The following USP12 variants were observed in gnomAD, a reference collection of about 807,000 sequenced individuals.
USP12 encodes ubiquitin specific peptidase 12.
Under a neutral mutation model 45.5 loss-of-function variants are expected in USP12, and 19 were observed. The observed-to-expected ratio is 0.42, with a 90% CI of 0.29 to 0.61. The LOEUF is 0.61. USP12 is among the 20% of genes least tolerant of loss of function. The pLI is 0.22. For missense variants in USP12, 242 were observed against 447.7 expected (o/e 0.54, Z 4.15); for synonymous variants, 149 against 148.8 (o/e 1.00, Z -0.01).
rs184802154 is a variant in USP12 at position 27,070,454 on chromosome 13, T to G, written c.1011+617A>C. 1.3e-3 allele frequency among the ~76,000 whole-genome samples: 190 copies of G among 151,976 alleles called. 1 individual carries two copies. Among genetic ancestry groups the G allele is most frequent in the African/African-American group, 4.3e-3 (179 of 41,412 alleles). On this transcript the variant is annotated intron_variant, in intron 8 of 8. Coordinates refer to ENST00000282344, the MANE Select transcript of USP12 (RefSeq NM_182488.4). Reference sequence around the variant, plus strand: ...CATGGGGGGACACATGTATAAAAATTCATCAAATTCAGATTTGTATACTTT... The same window carrying G: ...CATGGGGGGACACATGTATAAAAATGCATCAAATTCAGATTTGTATACTTT...
chr13:27,160,203 G>A (rs992818693), intron 1 of USP12, among the ~76,000 whole-genome samples: 5 of 151,910 alleles, frequency 3.3e-5, no homozygotes, highest in Admixed American at 1.3e-4. Context: ...AGTTAAAAAG[G>A]GCAACATAAT....
chr13:27,106,713 A>T lies in USP12; in HGVS notation c.130-769T>A, dbSNP rs574429021. On this transcript the variant is annotated intron_variant, in intron 2 of 8. Coordinates refer to ENST00000282344, the MANE Select transcript of USP12 (RefSeq NM_182488.4). Reference sequence around the variant, plus strand: ...TGTCCATAGACCATTTATTTTTTTTAAAAAAATGAGGAAGGATAAACAAAA... The same window carrying T: ...TGTCCATAGACCATTTATTTTTTTTTAAAAAATGAGGAAGGATAAACAAAA... Among the ~76,000 whole-genome samples, 55 of 147,266 alleles carry T rather than the reference A, an allele frequency of 3.7e-4. 1 individual carries two copies. The highest frequency in any genetic ancestry group is 1.5e-3 in the South Asian group (7 of 4,790).
At chr13:27,072,098 A>C (rs969703794) in intron 7 of USP12, among the ~76,000 whole-genome samples, 1 of 148,148 alleles carries the variant, frequency 6.8e-6, no homozygotes, top group African/African-American at 2.5e-5. Context: ...ACACCAACAA[A>C]AATACTTTTT....
rs1242099814 is a variant in USP12, at chr13:27,067,866, A to C, written c.*1417T>G. The C allele has an allele frequency of 6.6e-6, 1 of 152,198 alleles. No individual in the cohort carries two copies. The highest frequency in any genetic ancestry group is 2.4e-5 in the African/African-American group (1 of 41,450). 9.4% of individuals were successfully genotyped at this position (152,198 alleles called of 1,614,324 possible). ...TTGGCTACTGTCAGACAACTTACTG[A>C]TGCATGGAAAAACGTCCAAAAAAAC... is the stretch of plus-strand genomic sequence containing the variant. On this transcript the variant is annotated 3_prime_UTR_variant, in exon 9 of 9. Coordinates refer to ENST00000282344, the MANE Select transcript of USP12 (RefSeq NM_182488.4).
At position 27,089,881 on chromosome 13, in the gene USP12, A is replaced by G; in HGVS notation, c.734+2T>C. 1 of 1,609,560 alleles carries G rather than the reference A, an allele frequency of 6.2e-7. No individual in the cohort carries two copies. The highest frequency in any genetic ancestry group is 8.5e-7 in the Non-Finnish European group (1 of 1,178,302). On this transcript the variant is annotated splice_donor_variant, in intron 6 of 8. Transcript: ENST00000282344. LOFTEE classifies it high-confidence loss of function. ...TAAAAATCCATAAAGCTCTAAAATT[A>G]CCGTTTGTGTGCTTCCTGTTTGCTG...
rs796884433 is a variant in USP12 at position 27,114,771 on chromosome 13, A to T, written c.129+1745T>A. Among the ~76,000 whole-genome samples, 151 of 76,988 alleles carry T rather than the reference A, an allele frequency of 2.0e-3. 2 individuals are homozygous for T. Among genetic ancestry groups the T allele is most frequent in the Admixed American group, 2.5e-3 (23 of 9,204 alleles). The allele number at this position is 76,988 out of a possible 152,430, so 50.5% of individuals were successfully genotyped here. On this transcript the variant is annotated intron_variant, in intron 2 of 8. Coordinates refer to ENST00000282344, the MANE Select transcript of USP12 (RefSeq NM_182488.4). Reference sequence around the variant, plus strand: ...GGTATTTTCCTCCTCTCCATTTTTAAAAAAAAAAAAAAAACAAACTTGAGC... The same window carrying T: ...GGTATTTTCCTCCTCTCCATTTTTATAAAAAAAAAAAAAACAAACTTGAGC...
chr13:27,108,275 T>A (rs1002712422), intron 2 of USP12, among the ~76,000 whole-genome samples: 3 of 151,408 alleles, frequency 2.0e-5, no homozygotes, highest in Admixed American at 2.0e-4. Context: ...CAGGAAACTA[T>A]CGCAAGGACA....
intron 1 of USP12, among the ~76,000 whole-genome samples, chr13:27,127,871 T>C (rs942189139): frequency 3.3e-5 from 5 of 152,286 alleles, no homozygotes; most frequent in Admixed American, 2.0e-4. Context: ...AAAAAACAAG[T>C]TACATATCTG....
chr13:27,104,480 A>G (rs967733567), intron 3 of USP12, among the ~76,000 whole-genome samples: 1 of 152,212 alleles, frequency 6.6e-6, no homozygotes, highest in African/African-American at 2.4e-5. Flanking sequence ...CTCAATCCAC[A>G]TTTGAGCATT....
intron 6 of USP12, among the ~76,000 whole-genome samples, chr13:27,077,000 C>T (rs1873519308): frequency 6.6e-6 from 1 of 152,086 alleles, no homozygotes; most frequent in African/African-American, 2.4e-5. Context: ...CAAAAACATC[C>T]CTTATGAGAA....
chr13:27,125,736 A>G (rs1266366855), intron 1 of USP12, among the ~76,000 whole-genome samples: 1 of 152,204 alleles, frequency 6.6e-6, no homozygotes, highest in Non-Finnish European at 1.5e-5. Flanking sequence ...ACCTGGAGGA[A>G]GGGTACACTA....
At chr13:27,154,292 A>C (rs937439024) in intron 1 of USP12, among the ~76,000 whole-genome samples, 2 of 151,188 alleles carry the variant, frequency 1.3e-5, no homozygotes, top group African/African-American at 4.8e-5. Context: ...AAGGGCATAT[A>C]GCATAGGTTT....
chr13:27,107,240 G>A (rs776749899), intron 2 of USP12, among the ~76,000 whole-genome samples: 1 of 152,122 alleles, frequency 6.6e-6, no homozygotes, highest in Non-Finnish European at 1.5e-5. Flanking sequence ...TATGAGAATC[G>A]CTTGAACCTG....
intron 4 of USP12, among the ~76,000 whole-genome samples, chr13:27,094,372 T>C (rs1285802961): frequency 6.6e-6 from 1 of 151,972 alleles, no homozygotes; most frequent in East Asian, 1.9e-4. Context: ...GGTGATGGCA[T>C]GCACTGTAGT....
chr13:27,142,582 A>G (rs1356362211), intron 1 of USP12, among the ~76,000 whole-genome samples: 1 of 152,242 alleles, frequency 6.6e-6, no homozygotes, highest in Non-Finnish European at 1.5e-5. Context: ...AACATAAGCA[A>G]TCACTGGATT....
intron 1 of USP12, among the ~76,000 whole-genome samples, chr13:27,121,129 A>C (rs1380306210): frequency 6.6e-6 from 1 of 152,204 alleles, no homozygotes; most frequent in Non-Finnish European, 1.5e-5. Flanking sequence ...TCTTCAATGC[A>C]TAAGGGAACC....
chr13:27,144,044 GACTATGAA>G (rs1877190126), intron 1 of USP12, among the ~76,000 whole-genome samples: 1 of 152,020 alleles, frequency 6.6e-6, no homozygotes, highest in African/African-American at 2.4e-5. Context: ...TCTCTACTAA[GACTATGAA>G]ACTTAGCCAG....
chr13:27,113,895 T>C (rs756348805), intron 2 of USP12, among the ~76,000 whole-genome samples: 24 of 152,248 alleles, frequency 1.6e-4, no homozygotes, highest in Non-Finnish European at 3.1e-4. Context: ...TAATGAACTT[T>C]ATAACCCAAA....
At chr13:27,090,511 T>C (rs1428680763) in intron 4 of USP12, among the ~76,000 whole-genome samples, 1 of 152,120 alleles carries the variant, frequency 6.6e-6, no homozygotes. Context: ...TGAATAAAAA[T>C]GCTTCACACA....
Sources: allele counts gnomAD v4.1 joint callset (sites outside exome capture counted in the v4.1 genomes callset), GRCh38; gene constraint gnomAD v4.1.1; transcripts MANE v1.5; gene names NCBI Gene and HGNC (gene_info 2026-07-23, HGNC 2026-07-21).